SRGAP1: variants seen among roughly 807,000 people sequenced by gnomAD.
The protein encoded by SRGAP1 is SLIT-ROBO Rho GTPase activating protein 1.
Under a neutral mutation model 121.9 loss-of-function variants are expected in SRGAP1, and 43 were observed. The ratio of observed to expected loss-of-function variants is 0.35; its 90% CI spans 0.28 to 0.46. The LOEUF is 0.46. SRGAP1 is among the 20% of genes least tolerant of loss of function. SRGAP1 has a pLI of 1.00. For missense variants in SRGAP1, 1,102 were observed against 1,350.9 expected (o/e 0.82, Z 2.89); for synonymous variants, 447 against 485.4 (o/e 0.92, Z 1.04).
chr12:63,911,520 G>A (rs940314324), intron 1 of SRGAP1, among the ~76,000 whole-genome samples: 8 of 152,018 alleles, frequency 5.3e-5, no homozygotes, highest in African/African-American at 1.7e-4. Flanking sequence ...AAAAGACTTC[G>A]CTAGATTTGG....
chr12:63,954,677 C>CAAAAAAAAAAAAAAAA (rs60508657), intron 1 of SRGAP1, among the ~76,000 whole-genome samples: 2 of 104,616 alleles, frequency 1.9e-5, no homozygotes, highest in African/African-American at 7.1e-5. Flanking sequence ...GACTCCATCT[C>CAAAAAAAAAAAAAAAA]AAAAAAAAAA....
At chr12:64,116,750 G>A (rs905885548) in intron 18 of SRGAP1, among the ~76,000 whole-genome samples, 3 of 152,146 alleles carry the variant, frequency 2.0e-5, no homozygotes, top group African/African-American at 7.2e-5. Context: ...GTTTCTCTAG[G>A]ATGTATGCCT....
In SRGAP1 at chr12:64,153,261, G is replaced by A. The variant is rs928958247; in HGVS notation, c.*10589G>A. On this transcript the variant is annotated 3_prime_UTR_variant, in exon 22 of 22. Transcript: ENST00000355086. ...ACCATAAGCAAGAAGCCCTGGAGAT[G>A]AAAATAAAGGCCAGAATGTGGACAG... is the stretch of plus-strand genomic sequence containing the variant. 1.3e-5 allele frequency: 2 copies of A among 152,034 alleles called. No homozygotes were observed. The highest frequency in any genetic ancestry group is 1.3e-4 in the Admixed American group (2 of 15,260). The allele number at this position is 152,034 out of a possible 1,614,324, so 9.4% of individuals were successfully genotyped here. A position where few individuals can be genotyped will look rare whatever the true frequency, so the allele number is the denominator to read the frequency against.
chr12:64,142,902 CACTTAG>C lies in SRGAP1; in HGVS notation c.*236_*241del. 2 of 558,528 alleles carry C rather than the reference CACTTAG, an allele frequency of 3.6e-6. No homozygotes were observed. The highest frequency in any genetic ancestry group is 6.5e-5 in the East Asian group (2 of 30,816). 34.6% of individuals were successfully genotyped at this position (558,528 alleles called of 1,614,324 possible). ...TATGTCATTTTAAGGACAATAGAAACACTTAGACTTACTTGAAAATCCAATGCTGCA... is the reference window on the plus strand; with the variant it reads ...TATGTCATTTTAAGGACAATAGAAACACTTACTTGAAAATCCAATGCTGCA... On this transcript the variant is annotated 3_prime_UTR_variant, in exon 22 of 22. Coordinates refer to ENST00000355086, the MANE Select transcript of SRGAP1 (RefSeq NM_020762.4).
At position 64,068,572 on chromosome 12, in the gene SRGAP1, C is replaced by T. The variant is rs544361636; in HGVS notation, c.1125+3353C>T. 3.6e-3 allele frequency among the ~76,000 whole-genome samples: 549 copies of T among 151,776 alleles called. 2 individuals are homozygous for T. Among genetic ancestry groups the T allele is most frequent in the Non-Finnish European group, 5.6e-3 (377 of 67,914 alleles). On this transcript the variant is annotated intron_variant, in intron 8 of 21. Transcript: ENST00000355086. ...CTGGTCTCTAACTCCTGGGTTCAAG[C>T]GATCCGCCTGCCTTGGCCTCCCAAG...
chr12:63,881,933 A>G (rs1389480596), intron 1 of SRGAP1, among the ~76,000 whole-genome samples: 1 of 152,216 alleles, frequency 6.6e-6, no homozygotes, highest in African/African-American at 2.4e-5. Flanking sequence ...TAGAAAAATA[A>G]TAAACTATAA....
intron 21 of SRGAP1, among the ~76,000 whole-genome samples, chr12:64,134,026 G>A (rs569234737): frequency 1.3e-5 from 2 of 152,164 alleles, no homozygotes; most frequent in South Asian, 4.2e-4. Flanking sequence ...GCTACCTTGG[G>A]ATCCAATTAT....
chr12:64,027,813 A>G (rs1405140144), intron 4 of SRGAP1, among the ~76,000 whole-genome samples: 1 of 151,574 alleles, frequency 6.6e-6, no homozygotes, highest in African/African-American at 2.4e-5. Flanking sequence ...AGGGGCATAC[A>G]ATATACGTGT....
chr12:63,935,841 T>TA (rs1403132900), intron 1 of SRGAP1, among the ~76,000 whole-genome samples: 4 of 152,194 alleles, frequency 2.6e-5, no homozygotes, highest in African/African-American at 9.6e-5. Context: ...CTGTAACTGT[T>TA]ATGAAAAATT....
intron 1 of SRGAP1, among the ~76,000 whole-genome samples, chr12:63,884,499 G>T (rs962785460): frequency 4.6e-5 from 7 of 151,926 alleles, no homozygotes; most frequent in African/African-American, 1.5e-4. Context: ...TAGTTAGTGC[G>T]CCCAGCACCT....
chr12:63,930,467 T>C (rs2031436539), intron 1 of SRGAP1, among the ~76,000 whole-genome samples: 1 of 151,226 alleles, frequency 6.6e-6, no homozygotes, highest in African/African-American at 2.4e-5. Context: ...TGATAAAACA[T>C]AGGAACTTTT....
At chr12:64,000,113 A>G (rs891494286) in intron 3 of SRGAP1, among the ~76,000 whole-genome samples, 5 of 152,122 alleles carry the variant, frequency 3.3e-5, no homozygotes, top group Admixed American at 3.3e-4. Flanking sequence ...GTCTGGGCAG[A>G]ATGGCAGATG....
At chr12:64,003,478 GAAAAAAAA>G (rs531819299) in intron 3 of SRGAP1, among the ~76,000 whole-genome samples, 1 of 42,782 alleles carries the variant, frequency 2.3e-5, no homozygotes, top group African/African-American at 6.2e-5. Context: ...GGAAGTTTCA[GAAAAAAAA>G]AAAAAAAAAA....
At chr12:64,129,826 AC>A (rs1357987104) in intron 21 of SRGAP1, among the ~76,000 whole-genome samples, 1 of 152,240 alleles carries the variant, frequency 6.6e-6, no homozygotes, top group Non-Finnish European at 1.5e-5. Flanking sequence ...ACAAGTGTAT[AC>A]ATGCACAAAC....
chr12:63,899,723 T>C (rs1256925076), intron 1 of SRGAP1, among the ~76,000 whole-genome samples: 3 of 152,226 alleles, frequency 2.0e-5, no homozygotes, highest in African/African-American at 4.8e-5. Flanking sequence ...CAGTTCATTA[T>C]GTACAGGGAA....
At chr12:63,907,083 A>G (rs2030249203) in intron 1 of SRGAP1, among the ~76,000 whole-genome samples, 2 of 152,036 alleles carry the variant, frequency 1.3e-5, no homozygotes, top group Middle Eastern at 3.2e-3. Flanking sequence ...TTATTATCTG[A>G]CTTTTTAATT....
At position 64,148,375 on chromosome 12, in the gene SRGAP1, G is replaced by A. The variant is rs2037084210; in HGVS notation, c.*5703G>A. On this transcript the variant is annotated 3_prime_UTR_variant, in exon 22 of 22. Coordinates refer to ENST00000355086, the MANE Select transcript of SRGAP1 (RefSeq NM_020762.4). ...CAGCTCACTGCAACCTCCCCCTCCTGGATTCAAGCGATTCTCCTGCCTCAG... is the reference window on the plus strand; with the variant it reads ...CAGCTCACTGCAACCTCCCCCTCCTAGATTCAAGCGATTCTCCTGCCTCAG... 3 of 149,770 alleles carry A rather than the reference G, an allele frequency of 2.0e-5. No homozygotes were observed. The highest frequency in any genetic ancestry group is 6.7e-5 in the Admixed American group (1 of 14,954). The allele number at this position is 149,770 out of a possible 1,614,324, so 9.3% of individuals were successfully genotyped here.
At chr12:63,908,236 G>T (rs2030313153) in intron 1 of SRGAP1, among the ~76,000 whole-genome samples, 1 of 151,458 alleles carries the variant, frequency 6.6e-6, no homozygotes, top group African/African-American at 2.4e-5. Flanking sequence ...GTCAGTATTT[G>T]CAGAAATTCA....
rs562515718 is a variant in SRGAP1, at chr12:64,161,354, T to C, written c.*18682T>C. 1 of 152,314 alleles carries C rather than the reference T, an allele frequency of 6.6e-6. No homozygotes were observed. Among genetic ancestry groups the C allele is most frequent in the South Asian group, 2.1e-4 (1 of 4,826 alleles). The allele number at this position is 152,314 out of a possible 1,614,324, so 9.4% of individuals were successfully genotyped here. A position where few individuals can be genotyped will look rare whatever the true frequency, so the allele number is the denominator to read the frequency against. On this transcript the variant is annotated 3_prime_UTR_variant, in exon 22 of 22. Transcript: ENST00000355086. ...GGTTGGACCTCATGAACTGATCCTA[T>C]AATTTTACTAATTTTCCTCCAGTTT...
Sources: allele counts gnomAD v4.1 joint callset (sites outside exome capture counted in the v4.1 genomes callset), GRCh38; gene constraint gnomAD v4.1.1; transcripts MANE v1.5; gene names NCBI Gene and HGNC (gene_info 2026-07-23, HGNC 2026-07-21).